Variants in HS2ST1 observed in about 807,000 individuals in gnomAD.
HS2ST1 encodes heparan sulfate 2-O-sulfotransferase 1, also known as 2-O-sulfotransferase.
In HS2ST1, 18 loss-of-function variants were observed where a neutral mutation model predicts 42.9. The observed-to-expected ratio is 0.42, with a 90% CI of 0.29 to 0.62. The LOEUF is 0.62. Among genes scored for constraint, HS2ST1 ranks in the 20% least tolerant of loss-of-function variants. The pLI is 0.21. For missense variants in HS2ST1, 334 were observed against 433.8 expected, an observed-to-expected ratio of 0.77 and a Z score of 2.04; for synonymous variants, 146 against 152.9, an observed-to-expected ratio of 0.95 and a Z score of 0.33.
At chr1:87,028,507 G>C (rs1272115185) in intron 1 of HS2ST1, among the ~76,000 whole-genome samples, 1 of 152,142 alleles carries the variant, frequency 6.6e-6, no homozygotes, top group African/African-American at 2.4e-5. Context: ...AGGACATTCT[G>C]TTTTTTTAAA....
intron 1 of HS2ST1, among the ~76,000 whole-genome samples, chr1:86,985,489 T>C (rs71508308): frequency 0.02 from 1,868 of 91,752 alleles, 769 homozygotes; most frequent in East Asian, 0.041. Context: ...TATATACACA[T>C]ATATATACAC....
chr1:86,963,779 C>T (rs1205999668), intron 1 of HS2ST1, among the ~76,000 whole-genome samples: 6 of 131,912 alleles, frequency 4.5e-5, no homozygotes, highest in East Asian at 2.6e-4. Context: ...GGCAGCTGGC[C>T]GGGTGGGGGC....
At chr1:87,061,424 A>C (rs1391343143) in intron 1 of HS2ST1, among the ~76,000 whole-genome samples, 1 of 152,098 alleles carries the variant, frequency 6.6e-6, no homozygotes, top group African/African-American at 2.4e-5. Context: ...ATTCCCTGGC[A>C]ACCACCAATA....
intron 4 of HS2ST1, among the ~76,000 whole-genome samples, chr1:87,093,622 C>T (rs1391864851): frequency 6.6e-6 from 1 of 152,022 alleles, no homozygotes; most frequent in Non-Finnish European, 1.5e-5. Flanking sequence ...TGGTGAATTT[C>T]CTGAAGCATA....
chr1:86,965,107 T>C (rs10732725), intron 1 of HS2ST1, among the ~76,000 whole-genome samples: 115,623 of 152,150 alleles, frequency 0.76, 44,701 homozygotes, highest in East Asian at 0.97. Context: ...AAAAAGGATT[T>C]TATGCATCTT....
intron 1 of HS2ST1, among the ~76,000 whole-genome samples, chr1:87,050,137 AT>A: frequency 6.6e-6 from 1 of 151,570 alleles, no homozygotes; most frequent in Middle Eastern, 3.2e-3. Context: ...TGTTTCTCTC[AT>A]TTAAAGTGGT....
intron 1 of HS2ST1, among the ~76,000 whole-genome samples, chr1:87,031,789 A>G (rs1650245343): frequency 6.6e-6 from 1 of 152,222 alleles, no homozygotes; most frequent in South Asian, 2.1e-4. Flanking sequence ...TGAACATTAT[A>G]ATAAACAGAA....
At chr1:86,986,884 G>A (rs1308397228) in intron 1 of HS2ST1, among the ~76,000 whole-genome samples, 5 of 151,972 alleles carry the variant, frequency 3.3e-5, no homozygotes, top group Non-Finnish European at 7.4e-5. Context: ...CCAAATTATG[G>A]TAATTTGTTA....
chr1:86,961,654 G>A (rs915865457), intron 1 of HS2ST1, among the ~76,000 whole-genome samples: 2 of 152,054 alleles, frequency 1.3e-5, no homozygotes, highest in African/African-American at 2.4e-5. Flanking sequence ...GTACTTTTCT[G>A]TGTTATTTAG....
intron 1 of HS2ST1, among the ~76,000 whole-genome samples, chr1:87,044,259 T>G (rs1439278968): frequency 2.0e-5 from 3 of 152,150 alleles, no homozygotes; most frequent in African/African-American, 4.8e-5. Context: ...ATTTATTTAT[T>G]TATTTAATTT....
At chr1:86,943,205 G>C (rs1379543393) in intron 1 of HS2ST1, among the ~76,000 whole-genome samples, 1 of 152,120 alleles carries the variant, frequency 6.6e-6, no homozygotes, top group African/African-American at 2.4e-5. Flanking sequence ...TTTGTACTAA[G>C]TGTAAAGTCT....
rs1652387057 is a variant in HS2ST1, at chr1:87,108,481, G to C, written c.*3785G>C. ...GAGGAAGCAGAGAAGTTGCTGTTATGTTTTTGCATCCGTTTACCCTATGCA... is the reference window on the plus strand; with the variant it reads ...GAGGAAGCAGAGAAGTTGCTGTTATCTTTTTGCATCCGTTTACCCTATGCA... On this transcript the variant is annotated 3_prime_UTR_variant, in exon 7 of 7. Coordinates refer to ENST00000370550, the MANE Select transcript of HS2ST1 (RefSeq NM_012262.4). 6.6e-6 allele frequency: 1 copy of C among 152,048 alleles called. No homozygotes were observed. Among genetic ancestry groups the C allele is most frequent in the Admixed American group, 6.6e-5 (1 of 15,262 alleles). The allele number at this position is 152,048 out of a possible 1,614,324, so 9.4% of individuals were successfully genotyped here. A position where few individuals can be genotyped will look rare whatever the true frequency, so the allele number is the denominator to read the frequency against.
At chr1:87,002,208 G>C (rs10782589) in intron 1 of HS2ST1, among the ~76,000 whole-genome samples, 112,353 of 152,136 alleles carry the variant, frequency 0.74, 42,812 homozygotes, top group East Asian at 0.97. Context: ...CACCGTGCCC[G>C]GCCGGACTAT....
intron 3 of HS2ST1, among the ~76,000 whole-genome samples, chr1:87,090,781 A>G (rs1651921292): frequency 6.6e-6 from 1 of 151,902 alleles, no homozygotes; most frequent in Non-Finnish European, 1.5e-5. Flanking sequence ...CTTATCTTCC[A>G]TGGTATTCCC....
intron 2 of HS2ST1, among the ~76,000 whole-genome samples, chr1:87,074,343 C>G (rs1419438038): frequency 1.3e-5 from 2 of 152,160 alleles, no homozygotes; most frequent in African/African-American, 4.8e-5. Context: ...CCTAAATATT[C>G]TGTTTTTATA....
chr1:86,940,498 G>A (rs1318922811), intron 1 of HS2ST1, among the ~76,000 whole-genome samples: 1 of 152,108 alleles, frequency 6.6e-6, no homozygotes, highest in African/African-American at 2.4e-5. Context: ...GTTTCTTTAG[G>A]TGACTTCACA....
chr1:87,015,268 G>C (rs1649716727), intron 1 of HS2ST1, among the ~76,000 whole-genome samples: 1 of 151,378 alleles, frequency 6.6e-6, no homozygotes, highest in South Asian at 2.1e-4. Flanking sequence ...GGATGGTCTC[G>C]ATCTCTTGAC....
chr1:86,953,624 G>T (rs1283391457), intron 1 of HS2ST1, among the ~76,000 whole-genome samples: 4 of 152,088 alleles, frequency 2.6e-5, no homozygotes, highest in African/African-American at 9.7e-5. Flanking sequence ...GCTGGGCATG[G>T]TGGTGGGTGC....
chr1:87,103,217 ACT>A (rs1253880078), intron 5 of HS2ST1, among the ~76,000 whole-genome samples: 2 of 152,174 alleles, frequency 1.3e-5, no homozygotes, highest in African/African-American at 4.8e-5. Flanking sequence ...CCTCTGGTAA[ACT>A]CTGAATTAGC....
Sources: gnomAD v4.1 joint callset for allele counts (sites outside exome capture counted in the v4.1 genomes callset) on GRCh38, gnomAD v4.1.1 for gene constraint, MANE v1.5 for transcripts, NCBI Gene and HGNC (gene_info 2026-07-23, HGNC 2026-07-21) for gene names.